The following MCPH1 variants were observed in gnomAD, a reference collection of about 807,000 sequenced individuals.
The protein encoded by MCPH1 is microcephalin 1.
A neutral mutation model predicts 84.5 loss-of-function variants in MCPH1; 104 were observed. The ratio of observed to expected loss-of-function variants is 1.23; its 90% CI spans 1.05 to 1.45. The LOEUF (loss-of-function observed/expected upper bound fraction) is 1.45. MCPH1 is among the 40% of genes most tolerant of loss of function. The probability of loss-of-function intolerance (pLI) is 0.00; values close to 1 mark genes in which losing one functional copy is unlikely to be tolerated. For missense variants in MCPH1, 1,498 were observed against 1,005.7 expected (o/e 1.49, Z -6.62); for synonymous variants, 514 against 366.8 (o/e 1.40, Z -4.58).
At chr8:6,630,326 C>A (rs908820102) in intron 13 of MCPH1, among the ~76,000 whole-genome samples, 2 of 152,020 alleles carry the variant, frequency 1.3e-5, no homozygotes, top group Non-Finnish European at 2.9e-5. Flanking sequence ...CTGCAGTTAT[C>A]GTAAGGATAT....
chr8:6,559,230 A>AACACACACACACACACACACACAC (rs59299448), intron 12 of MCPH1, among the ~76,000 whole-genome samples: 32 of 146,838 alleles, frequency 2.2e-4, no homozygotes, highest in East Asian at 2.0e-3. Context: ...CACACACGAC[A>AACACACACACACACACACACACAC]ACACACACAC....
chr8:6,579,983 G>A (rs1018189577), intron 12 of MCPH1, among the ~76,000 whole-genome samples: 1 of 152,176 alleles, frequency 6.6e-6, no homozygotes, highest in Admixed American at 6.5e-5. Flanking sequence ...AACTAAATGT[G>A]GCTGCCCCAT....
chr8:6,533,192 T>C (rs1819854616), intron 12 of MCPH1, among the ~76,000 whole-genome samples: 1 of 152,244 alleles, frequency 6.6e-6, no homozygotes, highest in Admixed American at 6.5e-5. Context: ...CATGGGCTGG[T>C]TCTTCTCTCC....
intron 13 of MCPH1, among the ~76,000 whole-genome samples, chr8:6,628,596 G>C (rs1278430511): frequency 6.6e-6 from 1 of 151,630 alleles, no homozygotes; most frequent in Admixed American, 6.6e-5. Context: ...ATGTGTATTA[G>C]AAATGTGGTG....
chr8:6,426,291 C>G (rs2922833), intron 3 of MCPH1, among the ~76,000 whole-genome samples: 3 of 152,066 alleles, frequency 2.0e-5, no homozygotes, highest in Non-Finnish European at 4.4e-5. Context: ...AACCAAAATA[C>G]AGAGCATTTT....
At chr8:6,632,025 C>A (rs988508689) in intron 13 of MCPH1, among the ~76,000 whole-genome samples, 1 of 152,208 alleles carries the variant, frequency 6.6e-6, no homozygotes, top group Non-Finnish European at 1.5e-5. Context: ...GATTCTGATA[C>A]ATGTAACACT....
At chr8:6,497,509 G>C (rs374212181) in intron 11 of MCPH1, among the ~76,000 whole-genome samples, 1 of 151,952 alleles carries the variant, frequency 6.6e-6, no homozygotes, top group Admixed American at 6.6e-5. Flanking sequence ...AAAAAAAATA[G>C]AAAAGGAAGT....
At chr8:6,485,575 C>A (rs1809785727) in intron 11 of MCPH1, among the ~76,000 whole-genome samples, 1 of 151,048 alleles carries the variant, frequency 6.6e-6, no homozygotes, top group African/African-American at 2.4e-5. Context: ...CTCTAAATTG[C>A]TCTTTGCCCT....
At chr8:6,598,018 A>T (rs1829058666) in intron 12 of MCPH1, among the ~76,000 whole-genome samples, 1 of 152,172 alleles carries the variant, frequency 6.6e-6, no homozygotes, top group African/African-American at 2.4e-5. Flanking sequence ...TTTCCAGATG[A>T]CGATGTCCTT....
chr8:6,440,689 AC>A (rs1342568688), intron 6 of MCPH1, among the ~76,000 whole-genome samples: 1 of 152,180 alleles, frequency 6.6e-6, no homozygotes, highest in Non-Finnish European at 1.5e-5. Context: ...TCTTGAAGTT[AC>A]TTTTGATTAG....
chr8:6,640,121 CGT>C (rs760065871), intron 13 of MCPH1, among the ~76,000 whole-genome samples: 29 of 122,214 alleles, frequency 2.4e-4, no homozygotes, highest in East Asian at 5.3e-4. Flanking sequence ...TGTGTGTGTG[CGT>C]GTGTGTGTGT....
At chr8:6,624,835 G>C (rs1831890889) in intron 13 of MCPH1, 1 of 985,112 alleles carries the variant, frequency 1.0e-6, no homozygotes, top group Non-Finnish European at 1.2e-6. Context: ...TCCAGGTCCA[G>C]GCTATTTGCT....
chr8:6,609,819 G>GCCCCCCCCCCCCCCCCCCCCCCC (rs11280683), intron 12 of MCPH1, among the ~76,000 whole-genome samples: 1 of 104,018 alleles, frequency 9.6e-6, no homozygotes, highest in Non-Finnish European at 2.3e-5. Flanking sequence ...AATGCCCCCC[G>GCCCCCCCCCCCCCCCCCCCCCCC]CCCCCCCCCC....
chr8:6,535,541 A>T (rs1820324911), intron 12 of MCPH1, among the ~76,000 whole-genome samples: 1 of 152,236 alleles, frequency 6.6e-6, no homozygotes, highest in East Asian at 1.9e-4. Flanking sequence ...ATAAAAGCAG[A>T]TTACAAATAC....
chr8:6,524,919 T>C (rs1031349367), intron 12 of MCPH1, among the ~76,000 whole-genome samples: 4 of 152,236 alleles, frequency 2.6e-5, no homozygotes, highest in Non-Finnish European at 5.9e-5. Flanking sequence ...ATCCCACCTC[T>C]GCACATGGCT....
intron 12 of MCPH1, chr8:6,532,532 G>T: frequency 2.1e-6 from 3 of 1,452,448 alleles, no homozygotes; most frequent in Non-Finnish European, 2.8e-6. Context: ...TCAAATGACC[G>T]GAAACCTGAT....
intron 13 of MCPH1, among the ~76,000 whole-genome samples, chr8:6,640,796 T>C (rs1329019636): frequency 6.6e-6 from 1 of 152,258 alleles, no homozygotes; most frequent in East Asian, 1.9e-4. Context: ...CTCCTATTTA[T>C]AGTTTTAAAA....
intron 12 of MCPH1, among the ~76,000 whole-genome samples, chr8:6,512,508 C>T (rs1217171234): frequency 2.6e-5 from 4 of 152,154 alleles, no homozygotes; most frequent in Non-Finnish European, 5.9e-5. Flanking sequence ...ATGTGTGCTC[C>T]ATGATCACGA....
At chr8:6,436,858 T>C (rs1802722349) in intron 5 of MCPH1, among the ~76,000 whole-genome samples, 1 of 151,822 alleles carries the variant, frequency 6.6e-6, no homozygotes, top group Non-Finnish European at 1.5e-5. Flanking sequence ...TAGTCCCAGC[T>C]ACTTGGGAGG....
Sources: allele counts gnomAD v4.1 joint callset (sites outside exome capture counted in the v4.1 genomes callset), GRCh38; gene constraint gnomAD v4.1.1; transcripts MANE v1.5; gene names NCBI Gene and HGNC (gene_info 2026-07-23, HGNC 2026-07-21).